Variants in PACS1 observed in about 807,000 individuals in gnomAD.
PACS1 encodes PACS-1.
A neutral mutation model predicts 115.0 loss-of-function variants in PACS1; 24 were observed. That is an observed-to-expected ratio of 0.21 (90% CI 0.15 to 0.29). PACS1 has a LOEUF of 0.29. Among genes scored for constraint, PACS1 ranks in the 10% least tolerant of loss-of-function variants. The pLI is 1.00. For synonymous variants in PACS1, 453 were observed against 504.5 expected, an observed-to-expected ratio of 0.90 and a Z score of 1.37; for missense variants, 838 against 1,251.2, an observed-to-expected ratio of 0.67 and a Z score of 4.98.
chr11:66,133,277 C>T (rs555483132), intron 1 of PACS1, among the ~76,000 whole-genome samples: 2 of 152,326 alleles, frequency 1.3e-5, no homozygotes, highest in Admixed American at 1.3e-4. Context: ...TAAAGACTCT[C>T]ACCTCAGCTT....
intron 11 of PACS1, among the ~76,000 whole-genome samples, chr11:66,227,854 A>G (rs1855498159): frequency 6.6e-6 from 1 of 152,086 alleles, no homozygotes; most frequent in Admixed American, 6.5e-5. Context: ...AGCTGGGGAA[A>G]CTTCTCACCA....
chr11:66,132,550 A>G (rs1404525591), intron 1 of PACS1, among the ~76,000 whole-genome samples: 2 of 152,180 alleles, frequency 1.3e-5, no homozygotes, highest in African/African-American at 4.8e-5. Context: ...TAGTTAATAC[A>G]ATGTAAATGC....
At chr11:66,127,397 G>A (rs1173621559) in intron 1 of PACS1, among the ~76,000 whole-genome samples, 1 of 152,220 alleles carries the variant, frequency 6.6e-6, no homozygotes, top group East Asian at 1.9e-4. Context: ...CTGGAGGAAA[G>A]TGGAGAAGAA....
At chr11:66,101,789 T>A (rs1857925506) in intron 1 of PACS1, among the ~76,000 whole-genome samples, 1 of 152,030 alleles carries the variant, frequency 6.6e-6, no homozygotes, top group Admixed American at 6.6e-5. Flanking sequence ...AGGACTGGAG[T>A]TGATAGACAA....
At chr11:66,242,346 C>T (rs1855832296) in intron 22 of PACS1, among the ~76,000 whole-genome samples, 1 of 152,210 alleles carries the variant, frequency 6.6e-6, no homozygotes, top group Non-Finnish European at 1.5e-5. Flanking sequence ...CTGTGTGTGA[C>T]TCCCCTCTGC....
chr11:66,130,968 G>C (rs1446272156), intron 1 of PACS1, among the ~76,000 whole-genome samples: 1 of 152,166 alleles, frequency 6.6e-6, no homozygotes, highest in East Asian at 1.9e-4. Flanking sequence ...CTACTTGAGA[G>C]ACTGGGGTGG....
intron 14 of PACS1, 41 bp from the exon 15 acceptor site, chr11:66,232,919 G>T: frequency 6.9e-7 from 1 of 1,452,810 alleles, no homozygotes. Flanking sequence ...GGAGTGATGT[G>T]TTCTCACCTG....
At chr11:66,153,209 T>TA (rs1469229359) in intron 1 of PACS1, among the ~76,000 whole-genome samples, 23 of 152,180 alleles carry the variant, frequency 1.5e-4, no homozygotes, top group Admixed American at 1.5e-3. Flanking sequence ...TGGTGCACTA[T>TA]AGCCTTGAAC....
At chr11:66,212,417 C>A (rs371037353) in intron 4 of PACS1, among the ~76,000 whole-genome samples, 12 of 151,696 alleles carry the variant, frequency 7.9e-5, no homozygotes, top group African/African-American at 2.9e-4. Flanking sequence ...CAGGCATGAG[C>A]CACTGCGCCT....
rs1178210598 is a variant in PACS1 at position 66,235,503 on chromosome 11, TA to T, written c.2207+101del. The T allele has an allele frequency of 8.2e-6, 7 of 856,762 alleles. No homozygotes were observed. The highest frequency in any genetic ancestry group is 1.3e-5 in the Non-Finnish European group (7 of 528,592). The allele number at this position is 856,762 out of a possible 1,614,324, so 53.1% of individuals were successfully genotyped here. ...TCACATTTTCCTTCTCCACATGCTA[TA>T]TTCCTTCATAGGAACCCAAAAGGAT... On this transcript the variant is annotated intron_variant, in intron 18 of 23. Coordinates refer to ENST00000320580, the MANE Select transcript of PACS1 (RefSeq NM_018026.4). The surrounding 1 kb of genome is among the most constrained non-coding windows in gnomAD (Gnocchi z 5.6).
intron 10 of PACS1, among the ~76,000 whole-genome samples, chr11:66,224,625 C>CTTTGCTG (rs1365514845): frequency 1.3e-5 from 2 of 152,154 alleles, no homozygotes; most frequent in African/African-American, 4.8e-5. Context: ...CCCTTGGCCA[C>CTTTGCTG]GTTTCAGACT....
At chr11:66,198,737 G>A (rs1043025447) in intron 2 of PACS1, among the ~76,000 whole-genome samples, 4 of 152,058 alleles carry the variant, frequency 2.6e-5, no homozygotes, top group Non-Finnish European at 5.9e-5. Context: ...ACTTTAAATG[G>A]GTGAATTGTG....
intron 1 of PACS1, among the ~76,000 whole-genome samples, chr11:66,168,537 C>G (rs898046441): frequency 1.3e-5 from 2 of 150,188 alleles, no homozygotes; most frequent in Admixed American, 1.3e-4. Flanking sequence ...GGGTTTCAAT[C>G]CTGTTGGTTT....
intron 1 of PACS1, among the ~76,000 whole-genome samples, chr11:66,074,512 T>C (rs1184169034): frequency 6.6e-6 from 1 of 152,162 alleles, no homozygotes; most frequent in Non-Finnish European, 1.5e-5. Flanking sequence ...GCAGAAAAAT[T>C]ACTAAATTTT....
chr11:66,224,052 C>T (rs1248007120), intron 10 of PACS1, among the ~76,000 whole-genome samples: 1 of 152,070 alleles, frequency 6.6e-6, no homozygotes, highest in African/African-American at 2.4e-5. Flanking sequence ...ACAAAATTAG[C>T]CAGGCATGGT....
chr11:66,124,053 A>G (rs1858513902), intron 1 of PACS1, among the ~76,000 whole-genome samples: 1 of 152,226 alleles, frequency 6.6e-6, no homozygotes, highest in African/African-American at 2.4e-5. Flanking sequence ...CATTCTGCGC[A>G]GCTTTGGCAA....
At chr11:66,072,202 G>T (rs1857319868) in intron 1 of PACS1, among the ~76,000 whole-genome samples, 1 of 151,936 alleles carries the variant, frequency 6.6e-6, no homozygotes, top group African/African-American at 2.4e-5. Context: ...TCAGCATTAG[G>T]TTTGTGAGAA....
At chr11:66,073,562 G>A (rs753988493) in intron 1 of PACS1, among the ~76,000 whole-genome samples, 1 of 152,068 alleles carries the variant, frequency 6.6e-6, no homozygotes, top group Non-Finnish European at 1.5e-5. Flanking sequence ...AAAAAATACC[G>A]TTTCCTGTAT....
chr11:66,089,922 C>T (rs1288449196), intron 1 of PACS1, among the ~76,000 whole-genome samples: 3 of 140,782 alleles, frequency 2.1e-5, no homozygotes, highest in Admixed American at 8.1e-5. Context: ...AGGAGAATGG[C>T]GTGAACCCGG....
Sources: allele counts gnomAD v4.1 joint callset (sites outside exome capture counted in the v4.1 genomes callset), GRCh38; gene constraint gnomAD v4.1.1; non-coding constraint Gnocchi (gnomAD v3.1); transcripts MANE v1.5; gene names NCBI Gene and HGNC (gene_info 2026-07-23, HGNC 2026-07-21).